NR1H3: variants seen among roughly 807,000 people sequenced by gnomAD.
The protein encoded by NR1H3 is nuclear receptor subfamily 1 group H member 3.
NR1H3 carries 19 observed loss-of-function variants against 48.1 expected under a neutral mutation model. The ratio of observed to expected loss-of-function variants is 0.40; its 90% CI spans 0.28 to 0.58. The LOEUF (loss-of-function observed/expected upper bound fraction) is 0.58, where lower values mean the gene tolerates loss of function less well. Ranked by LOEUF, NR1H3 falls within the 20% of genes least tolerant of loss-of-function variation. NR1H3 has a pLI of 0.50. For synonymous variants in NR1H3, 232 were observed against 227.3 expected (o/e 1.02, Z -0.19); for missense variants, 486 against 595.9 (o/e 0.82, Z 1.92).
intron 1 of NR1H3, among the ~76,000 whole-genome samples, chr11:47,249,400 C>T (rs1954416451): frequency 6.6e-6 from 1 of 152,166 alleles, no homozygotes; most frequent in Non-Finnish European, 1.5e-5. Flanking sequence ...CTCACTTTCC[C>T]TTCCAGTCCT....
chr11:47,268,527 G>A, intron 9 of NR1H3, 23 bp from the exon 10 acceptor site: 1 of 1,614,106 alleles, frequency 6.2e-7, no homozygotes, highest in African/African-American at 1.3e-5. Flanking sequence ...CAAAAGCTGT[G>A]TTTGTCTCTC....
chr11:47,261,082 C>CAAA (rs34171260), intron 4 of NR1H3, among the ~76,000 whole-genome samples, 159 bp from the exon 5 acceptor site: 48 of 146,258 alleles, frequency 3.3e-4, no homozygotes, highest in Middle Eastern at 3.5e-3. Flanking sequence ...GACTCTGTTT[C>CAAA]AAAAAAAAAA....
chr11:47,252,031 C>T (rs1312140906), intron 1 of NR1H3, among the ~76,000 whole-genome samples: 2 of 145,630 alleles, frequency 1.4e-5, no homozygotes, highest in Admixed American at 1.4e-4. Flanking sequence ...GTGGTTCTTA[C>T]ACTTTGGTTC....
Position 47,268,541 on chromosome 11 carries a change from T to C in NR1H3, c.1198-9T>C, listed in dbSNP as rs1309694842. The C allele has an allele frequency of 1.2e-6, 2 of 1,614,048 alleles. No individual in the cohort carries two copies. The highest frequency in any genetic ancestry group is 1.7e-5 in the Admixed American group (1 of 59,996). Reference sequence around the variant, plus strand: ...GCAAAAGCTGTGTTTGTCTCTCTCCTTTCCCCAGGACCGACTGATGTTCCC... The same window carrying C: ...GCAAAAGCTGTGTTTGTCTCTCTCCCTTCCCCAGGACCGACTGATGTTCCC... On this transcript the variant is annotated splice_polypyrimidine_tract_variant and intron_variant, in intron 9 of 9. Coordinates refer to ENST00000441012, the MANE Select transcript of NR1H3 (RefSeq NM_005693.4).
chr11:47,250,068 C>G (rs1163262406), intron 1 of NR1H3, among the ~76,000 whole-genome samples: 1 of 152,012 alleles, frequency 6.6e-6, no homozygotes, highest in Non-Finnish European at 1.5e-5. Flanking sequence ...CCACTGCACT[C>G]CAGCCTGCGC....
At chr11:47,263,199 G>A (rs965247871) in intron 7 of NR1H3, among the ~76,000 whole-genome samples, 3 of 151,186 alleles carry the variant, frequency 2.0e-5, no homozygotes, top group African/African-American at 7.3e-5. Context: ...CAACTTTTTA[G>A]TAGTCAAAAA....
Position 47,268,663 on chromosome 11 carries a change from G to A in NR1H3, c.1311G>A (p.Pro437=). The change falls in exon 10 of 10, where the codon CCG becomes CCA. Residue 437 remains proline (P), a synonymous_variant. Coordinates refer to ENST00000441012, the MANE Select transcript of NR1H3 (RefSeq NM_005693.4). ...GTCTGCAGGACAAAAAGCTCCCACCGCTGCTCTCTGAGATCTGGGATGTGC... is the reference window on the plus strand; with the variant it reads ...GTCTGCAGGACAAAAAGCTCCCACCACTGCTCTCTGAGATCTGGGATGTGC... ...ALRLQDKKLP[P]LLSEIWDVHE 1 of 1,614,156 alleles carries A rather than the reference G, an allele frequency of 6.2e-7. No individual in the cohort carries two copies.
At chr11:47,250,886 G>C (rs1442996948) in intron 1 of NR1H3, among the ~76,000 whole-genome samples, 1 of 152,250 alleles carries the variant, frequency 6.6e-6, no homozygotes, top group Non-Finnish European at 1.5e-5. Context: ...TTTTGGCCGG[G>C]TGCGTGCTCA....
rs761767428 is a variant in NR1H3 at position 47,260,618 on chromosome 11, C to T, written c.442C>T (p.Arg148Cys). Residue 148 changes from arginine (R) to cysteine (C), a missense_variant, in exon 4 of 10, where the codon CGC (arginine) becomes TGC (cysteine). Coordinates refer to ENST00000441012, the MANE Select transcript of NR1H3 (RefSeq NM_005693.4). The stretch of plus-strand genomic sequence containing the variant: ...CTGCCCCATGGACACCTACATGCGT[C>T]GCAAGTGCCAGGAGTGTCGGCTTCG... ...GHCPMDTYMR[R>C]KCQECRLRKC... is the part of the protein sequence containing the mutation. The T allele has an allele frequency of 5.6e-6, 9 of 1,612,676 alleles. No homozygotes were observed. The highest frequency in any genetic ancestry group is 2.2e-5 in the South Asian group (2 of 91,046).
upstream of NR1H3, among the ~76,000 whole-genome samples, chr11:47,255,615 C>CTCTTTCTTTCTT (rs71042664): frequency 1.9e-4 from 18 of 93,192 alleles, no homozygotes; most frequent in African/African-American, 8.1e-4. Flanking sequence ...CTCTCTCTCT[C>CTCTTTCTTTCTT]TCTTTCTTTC....
intron 3 of NR1H3, 136 bp from the exon 4 acceptor site, chr11:47,260,273 C>T: frequency 8.0e-7 from 1 of 1,255,222 alleles, no homozygotes. Flanking sequence ...GAGGGCTACT[C>T]TTCTCATAAA....
intron 2 of NR1H3, 61 bp from the exon 3 acceptor site, chr11:47,259,730 G>A (rs1328970428): frequency 1.6e-5 from 26 of 1,606,722 alleles, no homozygotes; most frequent in Non-Finnish European, 2.0e-5. Flanking sequence ...CAGCTAGGAC[G>A]CTGGGCCGTG....
intron 7 of NR1H3, among the ~76,000 whole-genome samples, chr11:47,264,816 A>G (rs1268316523): frequency 1.3e-5 from 2 of 152,214 alleles, no homozygotes; most frequent in African/African-American, 4.8e-5. Flanking sequence ...ATCCGCTACT[A>G]TTTACTGCAT....
chr11:47,253,298 C>T (rs1271028269), upstream of NR1H3, among the ~76,000 whole-genome samples: 1 of 152,038 alleles, frequency 6.6e-6, no homozygotes, highest in Admixed American at 6.5e-5. Context: ...TGATATTTGC[C>T]CCTTGCTAGT....
chr11:47,259,140 G>C (rs372543241), intron 1 of NR1H3, 40 bp from the exon 2 acceptor site: 1 of 1,608,470 alleles, frequency 6.2e-7, no homozygotes, highest in Non-Finnish European at 8.5e-7. Context: ...CCAGAAAGGA[G>C]CCCAGTTCTA....
upstream of NR1H3, among the ~76,000 whole-genome samples, chr11:47,256,368 G>A (rs1955176550): frequency 1.3e-5 from 2 of 152,130 alleles, no homozygotes; most frequent in African/African-American, 2.4e-5. Flanking sequence ...ACCATTGCTG[G>A]CTCAACTATT....
intron 1 of NR1H3, chr11:47,250,668 T>C (rs1954576123): frequency 1.3e-5 from 2 of 152,314 alleles, no homozygotes; most frequent in African/African-American, 2.4e-5. Flanking sequence ...TTCACACATA[T>C]AAACACACAC....
exon 1 of NR1H3, chr11:47,248,913 CTGCTGGGG>C (rs1565170009): frequency 6.5e-7 from 1 of 1,540,708 alleles, no homozygotes; most frequent in Admixed American, 2.0e-5. Context: ...ACTTAGGGAC[CTGCTGGGG>C]TGCGGGGAAA....
chr11:47,268,878 C>G lies in NR1H3; in HGVS notation c.*182C>G, dbSNP rs972470585. ...TTTGTGGCTACTGAGCAGTGGAGCCCTCGCTAACACTGTGCTGTGTCTGAA... is the reference window on the plus strand; with the variant it reads ...TTTGTGGCTACTGAGCAGTGGAGCCGTCGCTAACACTGTGCTGTGTCTGAA... On this transcript the variant is annotated 3_prime_UTR_variant, in exon 10 of 10. Coordinates refer to ENST00000441012, the MANE Select transcript of NR1H3 (RefSeq NM_005693.4). 4 of 675,076 alleles carry G rather than the reference C, an allele frequency of 5.9e-6. No individual in the cohort carries two copies. The highest frequency in any genetic ancestry group is 9.8e-6 in the Non-Finnish European group (4 of 407,404). 41.8% of individuals were successfully genotyped at this position (675,076 alleles called of 1,614,324 possible).
Sources: gnomAD v4.1 joint callset for allele counts (sites outside exome capture counted in the v4.1 genomes callset) on GRCh38, gnomAD v4.1.1 for gene constraint, MANE v1.5 for transcripts, NCBI Gene and HGNC (gene_info 2026-07-23, HGNC 2026-07-21) for gene names.